Variants in ACO2 observed in about 807,000 individuals in gnomAD.
The protein encoded by ACO2 is aconitate hydratase, mitochondrial.
ACO2 carries 31 observed loss-of-function variants against 84.5 expected under a neutral mutation model. The ratio of observed to expected loss-of-function variants is 0.37; its 90% CI spans 0.28 to 0.50. ACO2 has a LOEUF of 0.50. Ranked by LOEUF, ACO2 falls within the 20% of genes least tolerant of loss-of-function variation. The pLI is 0.97. For synonymous variants in ACO2, 414 were observed against 412.7 expected (o/e 1.00, Z -0.04); for missense variants, 685 against 1,029.3 (o/e 0.67, Z 4.58).
At chr22:41,509,212 G>T (rs916039710) in intron 3 of ACO2, among the ~76,000 whole-genome samples, 3 of 152,178 alleles carry the variant, frequency 2.0e-5, no homozygotes, top group African/African-American at 7.2e-5. Flanking sequence ...ACCTTCTGGG[G>T]CTGGCTTTCT....
intron 1 of ACO2, among the ~76,000 whole-genome samples, chr22:41,471,599 C>A (rs1374291150): frequency 6.6e-6 from 1 of 152,168 alleles, no homozygotes; most frequent in Admixed American, 6.5e-5. Flanking sequence ...CCACTGTATT[C>A]TAATGTACCT....
intron 1 of ACO2, among the ~76,000 whole-genome samples, chr22:41,483,656 TAAA>T (rs112836153): frequency 1.5e-5 from 2 of 133,648 alleles, no homozygotes; most frequent in Admixed American, 1.5e-4. Context: ...GACTCCGTCT[TAAA>T]AAAAAAAAAA....
intron 11 of ACO2, 86 bp downstream of exon 11, chr22:41,523,364 G>C (rs2066543124): frequency 9.2e-7 from 1 of 1,083,648 alleles, no homozygotes; most frequent in Non-Finnish European, 1.3e-6. Context: ...TTGGGGTGGA[G>C]AGAAGAGACT....
At chr22:41,480,328 G>A (rs1031687855) in intron 1 of ACO2, among the ~76,000 whole-genome samples, 6 of 152,222 alleles carry the variant, frequency 3.9e-5, no homozygotes, top group African/African-American at 1.4e-4. Context: ...TAATGTATGA[G>A]TTCCCCACTG....
chr22:41,513,829 C>T (rs1337403846), intron 4 of ACO2, among the ~76,000 whole-genome samples: 5 of 152,206 alleles, frequency 3.3e-5, no homozygotes. Context: ...ATCTGTCCAG[C>T]CACACCCACA....
Position 41,526,424 on chromosome 22 carries a change from C to G in ACO2, c.1924C>G (p.Pro642Ala). The G allele has an allele frequency of 6.2e-7, 1 of 1,613,612 alleles. No individual in the cohort carries two copies. The highest frequency in any genetic ancestry group is 1.3e-5 in the African/African-American group (1 of 75,066). The part of the protein sequence containing the change: ...VRNAVTQEFG[P>A]VPDTARYYKK... ...CAATGCCGTCACTCAGGAGTTTGGC[C>G]CCGTCCCTGACACTGCCCGCTACTA... The change falls in exon 15 of 18, where the codon CCC becomes GCC. Residue 642 changes from proline (P) to alanine (A), a missense_variant. By Grantham distance (27) the Pro-to-Ala change is conservative. Transcript: ENST00000216254.
Position 41,520,290 on chromosome 22 carries a change from A to G in ACO2, c.1138+14A>G, listed in dbSNP as rs2146131055. 3.1e-6 allele frequency: 5 copies of G among 1,606,772 alleles called. No individual in the cohort carries two copies. In the East Asian group the frequency reaches 1.1e-4, roughly 36 times the overall value. On this transcript the variant is annotated intron_variant, in intron 9 of 17. Coordinates refer to ENST00000216254, the MANE Select transcript of ACO2 (RefSeq NM_001098.3). ...ACATCCGAGTGGGTGAGCACCTTCC[A>G]CCCCATCTGTTTAGCAGGTCTCAGG...
At chr22:41,472,334 CAG>C (rs2037955792) in intron 1 of ACO2, among the ~76,000 whole-genome samples, 3 of 148,156 alleles carry the variant, frequency 2.0e-5, no homozygotes, top group Admixed American at 1.4e-4. Context: ...GCCTGGGTGA[CAG>C]AGTGAGACTC....
At chr22:41,488,904 G>A (rs1381427715) in intron 1 of ACO2, among the ~76,000 whole-genome samples, 2 of 152,154 alleles carry the variant, frequency 1.3e-5, no homozygotes, top group Non-Finnish European at 2.9e-5. Context: ...GAGTAACCTG[G>A]TAATCTTTTA....
intron 1 of ACO2, among the ~76,000 whole-genome samples, chr22:41,491,351 G>A (rs939039077): frequency 6.6e-6 from 1 of 152,138 alleles, no homozygotes; most frequent in African/African-American, 2.4e-5. Flanking sequence ...GACTTTCCAA[G>A]GCAAATTCTA....
At chr22:41,494,064 T>C (rs1356593965) in intron 1 of ACO2, among the ~76,000 whole-genome samples, 1 of 152,186 alleles carries the variant, frequency 6.6e-6, no homozygotes, top group African/African-American at 2.4e-5. Context: ...GGAAGTCCTC[T>C]TGGACAGCAC....
chr22:41,470,850 G>A (rs1451419512), intron 1 of ACO2, among the ~76,000 whole-genome samples: 3 of 151,972 alleles, frequency 2.0e-5, no homozygotes, highest in East Asian at 1.9e-4. Flanking sequence ...GCCTCTTCAC[G>A]TCTTTTGATT....
chr22:41,524,989 CTTGCTGG>C (rs755006569), intron 13 of ACO2, 21 bp downstream of exon 13: 1 of 1,614,142 alleles, frequency 6.2e-7, no homozygotes, highest in South Asian at 1.1e-5. Flanking sequence ...ACGCCCCCTG[CTTGCTGG>C]TTGCTGTGTG....
At chr22:41,513,086 C>T (rs1278958037) in intron 4 of ACO2, among the ~76,000 whole-genome samples, 1 of 152,212 alleles carries the variant, frequency 6.6e-6, no homozygotes, top group Non-Finnish European at 1.5e-5. Context: ...CAGGAAGGGG[C>T]TGCGTGGAAT....
At chr22:41,520,361 G>C in intron 9 of ACO2, 85 bp downstream of exon 9, 1 of 1,054,632 alleles carries the variant, frequency 9.5e-7, no homozygotes. Flanking sequence ...TATGCCTACT[G>C]TGTGGCACTT....
intron 13 of ACO2, 60 bp from the exon 14 acceptor site, chr22:41,525,133 A>T (rs945490841): frequency 1.9e-6 from 3 of 1,599,808 alleles, no homozygotes; most frequent in Non-Finnish European, 2.6e-6. Flanking sequence ...GCCTTCTGAG[A>T]GTCTGTCCTT....
chr22:41,472,339 T>A (rs1256919830), intron 1 of ACO2, among the ~76,000 whole-genome samples: 1 of 145,778 alleles, frequency 6.9e-6, no homozygotes, highest in Non-Finnish European at 1.5e-5. Context: ...GGTGACAGAG[T>A]GAGACTCCGT....
Position 41,515,796 on chromosome 22 carries a change from C to G in ACO2, c.714C>G (p.Leu238=). 1 of 1,614,048 alleles carries G rather than the reference C, an allele frequency of 6.2e-7. No individual in the cohort carries two copies. The highest frequency in any genetic ancestry group is 8.5e-7 in the Non-Finnish European group (1 of 1,180,042). ...TTGGCGTGAAGCTGACGGGCTCTCT[C>G]TCCGGTTGGTCCTCACCCAAAGATG... ...KVIGVKLTGS[L]SGWSSPKDVI... The change falls in exon 6 of 18, where the codon CTC becomes CTG. Residue 238 remains leucine (L), a synonymous_variant. Transcript: ENST00000216254. This position sits in a 1 kb window ranked among gnomAD's most constrained non-coding sequence, Gnocchi z 5.8.
At chr22:41,477,604 A>G (rs1004011230) in intron 1 of ACO2, among the ~76,000 whole-genome samples, 2 of 152,116 alleles carry the variant, frequency 1.3e-5, no homozygotes, top group African/African-American at 2.4e-5. Flanking sequence ...AATGGGCACA[A>G]TGCCTTCTGC....
Sources: gnomAD v4.1 joint callset for allele counts (sites outside exome capture counted in the v4.1 genomes callset) on GRCh38, gnomAD v4.1.1 for gene constraint, Gnocchi (gnomAD v3.1) non-coding constraint, MANE v1.5 for transcripts, NCBI Gene and HGNC (gene_info 2026-07-23, HGNC 2026-07-21) for gene names.